LPAR3: variants seen among roughly 807,000 people sequenced by gnomAD.
LPAR3 encodes LPA receptor 3.
In LPAR3, 7 loss-of-function variants were observed where a neutral mutation model predicts 17.8. The observed-to-expected ratio is 0.39, with a 90% CI of 0.22 to 0.74. LPAR3 has a LOEUF of 0.74. LPAR3 is among the 30% of genes least tolerant of loss of function. The probability of loss-of-function intolerance (pLI) is 0.40; values close to 1 mark genes in which losing one functional copy is unlikely to be tolerated. For missense variants in LPAR3, 391 were observed against 453.4 expected, an observed-to-expected ratio of 0.86 and a Z score of 1.25; for synonymous variants, 179 against 179.9, an observed-to-expected ratio of 0.99 and a Z score of 0.04.
intron 1 of LPAR3, among the ~76,000 whole-genome samples, chr1:84,879,309 C>CTTTT (rs1199196149): frequency 1.4e-5 from 1 of 73,504 alleles, no homozygotes; most frequent in African/African-American, 8.2e-5. Flanking sequence ...CTTTTCTTTT[C>CTTTT]TTTTTTCTTT....
chr1:84,891,325 G>C (rs946338204), intron 1 of LPAR3, among the ~76,000 whole-genome samples: 10 of 152,192 alleles, frequency 6.6e-5, no homozygotes, highest in African/African-American at 2.2e-4. Context: ...GACAATCAAT[G>C]TAAGTGTTGT....
intron 2 of LPAR3, among the ~76,000 whole-genome samples, chr1:84,858,925 C>T (rs1659882205): frequency 6.6e-6 from 1 of 152,164 alleles, no homozygotes; most frequent in African/African-American, 2.4e-5. Context: ...AGAAGATAGA[C>T]CTTTGAGTTA....
chr1:84,868,934 A>G (rs1277546943), intron 1 of LPAR3, among the ~76,000 whole-genome samples: 1 of 152,204 alleles, frequency 6.6e-6, no homozygotes, highest in Admixed American at 6.5e-5. Context: ...TACAATTATT[A>G]TGTGTCTTTT....
intron 1 of LPAR3, among the ~76,000 whole-genome samples, chr1:84,869,360 C>T (rs953446939): frequency 6.6e-6 from 1 of 152,062 alleles, no homozygotes; most frequent in Admixed American, 6.5e-5. Context: ...GCCAGAACTC[C>T]CACTAAGCAG....
chr1:84,859,669 T>C (rs1451223762), intron 2 of LPAR3, among the ~76,000 whole-genome samples: 1 of 152,182 alleles, frequency 6.6e-6, no homozygotes, highest in Non-Finnish European at 1.5e-5. Context: ...TTTTAAAAAG[T>C]GTTGCTTACA....
At chr1:84,885,284 A>G (rs1660437730) in intron 1 of LPAR3, among the ~76,000 whole-genome samples, 1 of 152,174 alleles carries the variant, frequency 6.6e-6, no homozygotes, top group African/African-American at 2.4e-5. Context: ...TGAGACATAT[A>G]ATACAGGGTT....
At chr1:84,878,500 C>T (rs888120004) in intron 1 of LPAR3, among the ~76,000 whole-genome samples, 1 of 152,108 alleles carries the variant, frequency 6.6e-6, no homozygotes, top group Non-Finnish European at 1.5e-5. Context: ...TTACCACAAG[C>T]CCCGACACCT....
At chr1:84,887,083 G>A (rs1162187299) in intron 1 of LPAR3, among the ~76,000 whole-genome samples, 2 of 152,130 alleles carry the variant, frequency 1.3e-5, no homozygotes. Context: ...CATCACTTGA[G>A]GCTGGGTGCA....
intron 2 of LPAR3, among the ~76,000 whole-genome samples, chr1:84,830,857 G>A (rs1014761145): frequency 3.3e-5 from 5 of 151,910 alleles, no homozygotes; most frequent in Admixed American, 6.6e-5. Flanking sequence ...CCTTACCCCC[G>A]GGCAAATGCG....
intron 2 of LPAR3, among the ~76,000 whole-genome samples, chr1:84,863,275 A>T (rs1659975294): frequency 6.6e-6 from 1 of 152,092 alleles, no homozygotes; most frequent in South Asian, 2.1e-4. Flanking sequence ...GGGTTTCACC[A>T]TGTTGCCCAG....
At chr1:84,866,671 A>G (rs1429708379) in intron 1 of LPAR3, among the ~76,000 whole-genome samples, 1 of 152,218 alleles carries the variant, frequency 6.6e-6, no homozygotes, top group Non-Finnish European at 1.5e-5. Flanking sequence ...AGATAATAGG[A>G]GTTGAATTAC....
intron 2 of LPAR3, among the ~76,000 whole-genome samples, chr1:84,817,406 A>T (rs9662096): frequency 0.77 from 117,113 of 152,004 alleles, 45,226 homozygotes; most frequent in African/African-American, 0.82. Context: ...CGTGGGGAGG[A>T]CTTATGTTTA....
At chr1:84,835,996 C>T (rs1659396701) in intron 2 of LPAR3, among the ~76,000 whole-genome samples, 2 of 147,644 alleles carry the variant, frequency 1.4e-5, no homozygotes, top group South Asian at 4.3e-4. Flanking sequence ...AATGCCCCCC[C>T]AACCCCGGCC....
Position 84,814,010 on chromosome 1 carries a change from T to A in LPAR3, c.898A>T (p.Met300Leu). 1 of 1,614,154 alleles carries A rather than the reference T, an allele frequency of 6.2e-7. No homozygotes were observed. The highest frequency in any genetic ancestry group is 8.5e-7 in the Non-Finnish European group (1 of 1,180,024). The change falls in exon 3 of 3, where the codon ATG becomes TTG. Residue 300 changes from methionine (M) to leucine (L), a missense_variant. Met to Leu is a conservative substitution (Grantham distance 15). Transcript: ENST00000370611. ...ATCATCTTCTTCATGGTGCCATACA[T>A]GTCCTCGTCCTTGTAGGAGTAGATG... ...PIIYSYKDED[M>L]YGTMKKMICC...
intron 1 of LPAR3, among the ~76,000 whole-genome samples, chr1:84,870,944 A>G (rs950808939): frequency 4.6e-5 from 7 of 152,212 alleles, no homozygotes; most frequent in African/African-American, 1.4e-4. Context: ...AGACTGCCCC[A>G]TGCTATAAAA....
intron 2 of LPAR3, among the ~76,000 whole-genome samples, chr1:84,822,090 C>A (rs892436451): frequency 6.6e-6 from 1 of 152,134 alleles, no homozygotes; most frequent in African/African-American, 2.4e-5. Flanking sequence ...ATTTACTAAG[C>A]AATTACCTAC....
intron 2 of LPAR3, among the ~76,000 whole-genome samples, chr1:84,850,738 T>TC (rs1193785575): frequency 6.6e-6 from 1 of 152,032 alleles, no homozygotes; most frequent in Non-Finnish European, 1.5e-5. Flanking sequence ...GTACCACAGA[T>TC]CCCCCCGGCT....
intron 1 of LPAR3, among the ~76,000 whole-genome samples, chr1:84,887,541 T>C (rs1014179395): frequency 1.3e-5 from 2 of 152,132 alleles, no homozygotes; most frequent in Non-Finnish European, 2.9e-5. Context: ...AAAGGTGTTT[T>C]CAAACACCTT....
At chr1:84,891,264 CAAAGAA>C (rs1228320728) in intron 1 of LPAR3, among the ~76,000 whole-genome samples, 1 of 151,824 alleles carries the variant, frequency 6.6e-6, no homozygotes. Context: ...ATTCTAAAGA[CAAAGAA>C]AAAATTTTTG....
Sources: allele counts gnomAD v4.1 joint callset (sites outside exome capture counted in the v4.1 genomes callset), GRCh38; gene constraint gnomAD v4.1.1; transcripts MANE v1.5; gene names NCBI Gene and HGNC (gene_info 2026-07-23, HGNC 2026-07-21).